CHD8: variants seen among roughly 807,000 people sequenced by gnomAD.
CHD8 encodes the protein chromodomain helicase DNA binding protein 8, also known as ATP-dependent chromatin remodeler CHD8.
Under a neutral mutation model 279.2 loss-of-function variants are expected in CHD8, and 31 were observed. The observed-to-expected ratio is 0.11, with a 90% CI of 0.08 to 0.15. The LOEUF (loss-of-function observed/expected upper bound fraction) is 0.15, where lower values mean the gene tolerates loss of function less well. Among genes scored for constraint, CHD8 ranks in the 10% least tolerant of loss-of-function variants. CHD8 has a pLI of 1.00. For missense variants in CHD8, 2,146 were observed against 3,230.5 expected, an observed-to-expected ratio of 0.66 and a Z score of 8.14; for synonymous variants, 1,081 against 1,139.6, an observed-to-expected ratio of 0.95 and a Z score of 1.04.
At chr14:21,409,287 T>A (rs1888381791) in intron 11 of CHD8, among the ~76,000 whole-genome samples, 1 of 152,144 alleles carries the variant, frequency 6.6e-6, no homozygotes, top group Non-Finnish European at 1.5e-5. Context: ...CCAAGGGTAA[T>A]CAGCAAACTT....
At chr14:21,389,763 G>A (rs1887444346) in intron 37 of CHD8, among the ~76,000 whole-genome samples, 1 of 152,148 alleles carries the variant, frequency 6.6e-6, no homozygotes, top group South Asian at 2.1e-4. Context: ...AAAAGTATAA[G>A]TAAATTTGAA....
At chr14:21,390,190 G>A (rs1199266910) in intron 37 of CHD8, among the ~76,000 whole-genome samples, 2 of 151,948 alleles carry the variant, frequency 1.3e-5, no homozygotes, top group Non-Finnish European at 2.9e-5. Flanking sequence ...GAGCTGAGAT[G>A]GTGCCACTGC....
At chr14:21,396,384 G>A (rs1887785389) in intron 27 of CHD8, among the ~76,000 whole-genome samples, 2 of 151,856 alleles carry the variant, frequency 1.3e-5, no homozygotes, top group South Asian at 4.2e-4. Flanking sequence ...TCAGCTCACT[G>A]CAACCTGTGC....
intron 36 of CHD8, 104 bp from the exon 37 acceptor site, chr14:21,391,167 G>C: frequency 1.2e-6 from 1 of 812,284 alleles, no homozygotes; most frequent in Non-Finnish European, 2.0e-6. Flanking sequence ...TTATTACATA[G>C]ATAAAGGATT....
At position 21,393,022 on chromosome 14, in the gene CHD8, G is replaced by A. The variant is rs1887619266; in HGVS notation, c.6468+84C>T. Reference sequence around the variant, plus strand: ...CAATAAACACAATTTTAAAAATCCAGAACCATATGTTCCTTTTTCCCCGGA... The same window carrying A: ...CAATAAACACAATTTTAAAAATCCAAAACCATATGTTCCTTTTTCCCCGGA... On this transcript the variant is annotated intron_variant, in intron 33 of 37. Transcript: ENST00000646647. The A allele has an allele frequency of 2.1e-6, 3 of 1,428,944 alleles. No individual in the cohort carries two copies. In the Admixed American group the frequency reaches 7.9e-5, roughly 37 times the overall value. The allele number at this position is 1,428,944 out of a possible 1,614,324, so 88.5% of individuals were successfully genotyped here.
intron 5 of CHD8, among the ~76,000 whole-genome samples, chr14:21,417,487 G>A (rs1221755938): frequency 1.3e-5 from 2 of 152,096 alleles, no homozygotes; most frequent in East Asian, 3.9e-4. Context: ...AGACTGAGGT[G>A]GCAGGATCAC....
At chr14:21,437,048 A>AGGGGGG in intron 1 of CHD8, 1 of 464,442 alleles carries the variant, frequency 2.2e-6, no homozygotes, top group Non-Finnish European at 3.4e-6. Context: ...GGGATGGCCA[A>AGGGGGG]GACGGGAAGA....
intron 21 of CHD8, 82 bp downstream of exon 21, chr14:21,401,321 T>C (rs1230989711): frequency 2.3e-6 from 2 of 851,832 alleles, no homozygotes; most frequent in Non-Finnish European, 3.6e-6. Context: ...ACAATTAGCA[T>C]CAAATAATCA....
chr14:21,409,788 A>G (rs2139484518), intron 11 of CHD8, 63 bp downstream of exon 11: 1 of 1,489,754 alleles, frequency 6.7e-7, no homozygotes, highest in Non-Finnish European at 9.1e-7. Context: ...AAAAAATTTC[A>G]TAGGGGAAAA....
chr14:21,422,362 T>C (rs535554006), intron 5 of CHD8, among the ~76,000 whole-genome samples: 95 of 152,184 alleles, frequency 6.2e-4, no homozygotes, highest in Non-Finnish European at 1.2e-3. Context: ...ACAAGAAATG[T>C]CCATAGTTTA....
chr14:21,413,490 G>A (rs549306693), intron 9 of CHD8, among the ~76,000 whole-genome samples: 2 of 149,792 alleles, frequency 1.3e-5, no homozygotes, highest in Admixed American at 1.3e-4. Flanking sequence ...CACCTCCTAC[G>A]TTCAAGTGAT....
At chr14:21,430,151 C>T (rs1889503639) in intron 2 of CHD8, 1 of 154,392 alleles carries the variant, frequency 6.5e-6, no homozygotes, top group Non-Finnish European at 1.4e-5. Context: ...TGGTCTTGAA[C>T]TTCTGGCCTC....
chr14:21,393,679 T>C lies in CHD8; in HGVS notation c.6116A>G (p.Gln2039Arg). The C allele has an allele frequency of 6.2e-7, 1 of 1,613,866 alleles. No individual in the cohort carries two copies. The highest frequency in any genetic ancestry group is 8.5e-7 in the Non-Finnish European group (1 of 1,179,854). Residue 2039 changes from glutamine to arginine, a missense_variant, in exon 32 of 38, where the codon CAA becomes CGA. Coordinates refer to ENST00000646647, the MANE Select transcript of CHD8 (RefSeq NM_001170629.2). ...GGGGGATACTCGCATCTCATAGTCT[T>C]GTGGGGTTGGTCGGCTCCTGGCCAC... is the stretch of plus-strand genomic sequence containing the variant. ...EVVARSRPTP[Q>R]DYEMRVSPSD...
At chr14:21,386,414 T>C (rs1887238486) in intron 37 of CHD8, 6 of 557,804 alleles carry the variant, frequency 1.1e-5, no homozygotes, top group Non-Finnish European at 1.9e-5. Flanking sequence ...CCGAAACTCA[T>C]ATTAACCAGT....
Position 21,432,149 on chromosome 14 carries a change from A to G in CHD8, c.-215-291T>C, listed in dbSNP as rs116196747. Among the ~76,000 whole-genome samples, 1,947 of 152,296 alleles carry G rather than the reference A, an allele frequency of 0.013. 41 individuals are homozygous for G. Among genetic ancestry groups the G allele is most frequent in the African/African-American group, 0.045 (1,877 of 41,564 alleles). On this transcript the variant is annotated intron_variant, in intron 1 of 37. Coordinates refer to ENST00000646647, the MANE Select transcript of CHD8 (RefSeq NM_001170629.2). ...TTCTCCGTTTCTTTTAACAATTATT[A>G]TTCTTTGGTAAAGATAAAATTTAAT...
Position 21,403,320 on chromosome 14 carries a change from C to A in CHD8, c.3519-108G>T. The A allele has an allele frequency of 1.5e-6, 2 of 1,315,172 alleles. No homozygotes were observed. Among genetic ancestry groups the A allele is most frequent in the South Asian group, 2.8e-5 (2 of 72,172 alleles). The allele number at this position is 1,315,172 out of a possible 1,614,324, so 81.5% of individuals were successfully genotyped here. ...CTCCCATATCAAAGCTGGTCAAAAACCCAAGTTGAGAGTGAGAATCTTAAA... is the reference window on the plus strand; with the variant it reads ...CTCCCATATCAAAGCTGGTCAAAAAACCAAGTTGAGAGTGAGAATCTTAAA... On this transcript the variant is annotated intron_variant, in intron 17 of 37. Coordinates refer to ENST00000646647, the MANE Select transcript of CHD8 (RefSeq NM_001170629.2). This position sits in a 1 kb window ranked among gnomAD's most constrained non-coding sequence, Gnocchi z 4.3.
Position 21,406,910 on chromosome 14 carries a change from A to G in CHD8, c.2853T>C (p.His951=). The change falls in exon 14 of 38, where the codon CAT becomes CAC. Residue 951 remains histidine, a synonymous_variant. Coordinates refer to ENST00000646647, the MANE Select transcript of CHD8 (RefSeq NM_001170629.2). ...GCTTGCAATTACGGTTTTTCAGTCG[A>G]TGGGCTTCATCAATGATAACACAAC... ...EWRCVIIDEA[H]RLKNRNCKLL... is the part of the protein sequence containing the mutation. 1 of 1,613,630 alleles carries G rather than the reference A, an allele frequency of 6.2e-7. No homozygotes were observed. The highest frequency in any genetic ancestry group is 8.5e-7 in the Non-Finnish European group (1 of 1,179,772).
rs1028895544 is a variant in CHD8 at position 21,405,946 on chromosome 14, C to T, written c.2908-82G>A. 4.0e-6 allele frequency: 4 copies of T among 998,084 alleles called. No homozygotes were observed. Among genetic ancestry groups the T allele is most frequent in the Admixed American group, 3.1e-5 (1 of 32,622 alleles). The allele number at this position is 998,084 out of a possible 1,614,324, so 61.8% of individuals were successfully genotyped here. On this transcript the variant is annotated intron_variant, in intron 14 of 37. Coordinates refer to ENST00000646647, the MANE Select transcript of CHD8 (RefSeq NM_001170629.2). The surrounding 1 kb of genome is among the most constrained non-coding windows in gnomAD (Gnocchi z 4.2). ...TTCCTATCAAGTATATAATCTTTAA[C>T]ATATATAACCTTTAATTTCTTTATC...
At chr14:21,415,061 C>G in intron 7 of CHD8, 68 bp from the exon 8 acceptor site, 1 of 1,009,748 alleles carries the variant, frequency 9.9e-7, no homozygotes, top group Non-Finnish European at 1.5e-6. Flanking sequence ...TTAATTTTAA[C>G]CACACATTGC....
Sources: gnomAD v4.1 joint callset for allele counts (sites outside exome capture counted in the v4.1 genomes callset) on GRCh38, gnomAD v4.1.1 for gene constraint, Gnocchi (gnomAD v3.1) non-coding constraint, MANE v1.5 for transcripts, NCBI Gene and HGNC (gene_info 2026-07-23, HGNC 2026-07-21) for gene names.